SCHIP1: variants seen among roughly 807,000 people sequenced by gnomAD.
SCHIP1 encodes the protein schwannomin-interacting protein 1.
Under a neutral mutation model 29.7 loss-of-function variants are expected in SCHIP1, and 8 were observed. The ratio of observed to expected loss-of-function variants is 0.27; its 90% CI spans 0.16 to 0.49. The LOEUF (loss-of-function observed/expected upper bound fraction) is 0.49. SCHIP1 is among the 20% of genes least tolerant of loss of function. The pLI is 0.99. For missense variants in SCHIP1, 193 were observed against 294.6 expected (o/e 0.66, Z 2.52); for synonymous variants, 76 against 94.9 (o/e 0.80, Z 1.16).
At chr3:159,445,242 A>C in the SCHIP1 span, among the ~76,000 whole-genome samples, 1 of 152,188 alleles carries the variant, frequency 6.6e-6, no homozygotes, top group Non-Finnish European at 1.5e-5. Flanking sequence ...TTCTCAAAAG[A>C]AGACATTTAG....
the SCHIP1 span, among the ~76,000 whole-genome samples, chr3:159,828,441 GTA>G: frequency 1.1e-3 from 46 of 42,940 alleles, 2 homozygotes; most frequent in East Asian, 0.016. Flanking sequence ...GTATATATAC[GTA>G]TATATATACG....
chr3:159,792,664 C>T, the SCHIP1 span, among the ~76,000 whole-genome samples: 3 of 152,186 alleles, frequency 2.0e-5, no homozygotes, highest in Non-Finnish European at 4.4e-5. Context: ...TTCCCTTGCT[C>T]ATCTCTAGTA....
At chr3:159,553,265 TA>T in the SCHIP1 span, among the ~76,000 whole-genome samples, 7,418 of 144,750 alleles carry the variant, frequency 0.051, 247 homozygotes, top group Middle Eastern at 0.12. Flanking sequence ...TGGAAAAGGT[TA>T]AAAAAAAAAA....
chr3:159,701,611 A>G, the SCHIP1 span, among the ~76,000 whole-genome samples: 1 of 152,122 alleles, frequency 6.6e-6, no homozygotes. Context: ...TACTGGTTCT[A>G]TATATTTTCT....
chr3:159,882,343 G>A (rs1481376935), intron 2 of SCHIP1, among the ~76,000 whole-genome samples: 1 of 152,000 alleles, frequency 6.6e-6, no homozygotes, highest in Non-Finnish European at 1.5e-5. Context: ...GTGGACAGGG[G>A]GATAAAAATC....
chr3:159,396,515 G>T, the SCHIP1 span, among the ~76,000 whole-genome samples: 16 of 147,296 alleles, frequency 1.1e-4, no homozygotes, highest in Admixed American at 1.1e-3. Context: ...GGGCAGGCCT[G>T]GTGGTGACAA....
the SCHIP1 span, among the ~76,000 whole-genome samples, chr3:159,648,340 T>C: frequency 6.6e-6 from 1 of 152,114 alleles, no homozygotes. Flanking sequence ...AGGCTGACCT[T>C]GTTTAGAGCC....
chr3:159,380,820 C>A, the SCHIP1 span, among the ~76,000 whole-genome samples: 3 of 152,156 alleles, frequency 2.0e-5, no homozygotes, highest in East Asian at 5.8e-4. Flanking sequence ...ATTCAAATAC[C>A]GTATGGTCTG....
chr3:159,298,220 G>C, the SCHIP1 span, among the ~76,000 whole-genome samples: 1 of 152,110 alleles, frequency 6.6e-6, no homozygotes, highest in Non-Finnish European at 1.5e-5. Flanking sequence ...AGAAAATTTG[G>C]AATATTTTTC....
At chr3:159,747,861 C>T in the SCHIP1 span, among the ~76,000 whole-genome samples, 3 of 152,176 alleles carry the variant, frequency 2.0e-5, no homozygotes, top group African/African-American at 7.2e-5. Context: ...TTTCCAACCA[C>T]ATCCCCATGC....
chr3:159,539,124 A>G, the SCHIP1 span, among the ~76,000 whole-genome samples: 4 of 152,156 alleles, frequency 2.6e-5, no homozygotes, highest in Non-Finnish European at 5.9e-5. Flanking sequence ...ATGAACCCAT[A>G]AAGATGGCAT....
chr3:159,526,583 G>A, the SCHIP1 span, among the ~76,000 whole-genome samples: 13,469 of 152,246 alleles, frequency 0.088, 753 homozygotes, highest in South Asian at 0.13. Flanking sequence ...ACGCTGACTT[G>A]TGCCCATCAA....
the SCHIP1 span, among the ~76,000 whole-genome samples, chr3:159,544,017 G>C: frequency 2.0e-5 from 3 of 151,988 alleles, no homozygotes; most frequent in Non-Finnish European, 4.4e-5. Flanking sequence ...TCTAGAAATA[G>C]AACCCTACTG....
chr3:159,450,051 T>G, the SCHIP1 span, among the ~76,000 whole-genome samples: 1 of 152,186 alleles, frequency 6.6e-6, no homozygotes. Flanking sequence ...AATAGTAAAC[T>G]GTACATCTTT....
the SCHIP1 span, among the ~76,000 whole-genome samples, chr3:159,384,613 G>A: frequency 6.6e-6 from 1 of 151,862 alleles, no homozygotes; most frequent in Non-Finnish European, 1.5e-5. Flanking sequence ...TCAGGATGAT[G>A]CTGCCCTCAT....
the SCHIP1 span, among the ~76,000 whole-genome samples, chr3:159,627,203 G>C: frequency 0.013 from 2,045 of 152,252 alleles, 44 homozygotes; most frequent in African/African-American, 0.047. Context: ...CGCAAAGACT[G>C]TGGCATTTTT....
At chr3:159,478,606 G>C in the SCHIP1 span, among the ~76,000 whole-genome samples, 1 of 151,106 alleles carries the variant, frequency 6.6e-6, no homozygotes. Flanking sequence ...TTTCTATTCT[G>C]TGAAAAAAAT....
chr3:159,895,789 G>A (rs571720848), intron 6 of SCHIP1, among the ~76,000 whole-genome samples: 21 of 152,148 alleles, frequency 1.4e-4, no homozygotes, highest in East Asian at 9.6e-4. Flanking sequence ...TCCACCTCCC[G>A]GGTTCAAGCA....
At chr3:159,546,900 A>T in the SCHIP1 span, among the ~76,000 whole-genome samples, 3 of 152,124 alleles carry the variant, frequency 2.0e-5, no homozygotes, top group Admixed American at 6.6e-5. Context: ...ATGTGTCTTT[A>T]TAGTAAAACA....
Sources: allele counts gnomAD v4.1 joint callset (sites outside exome capture counted in the v4.1 genomes callset), GRCh38; gene constraint gnomAD v4.1.1; transcripts MANE v1.5; gene names NCBI Gene and HGNC (gene_info 2026-07-23, HGNC 2026-07-21).